Variants in ZNF326 observed in about 807,000 individuals in gnomAD.
ZNF326 encodes the protein zinc finger protein 326.
In ZNF326, 30 loss-of-function variants were observed where a neutral mutation model predicts 63.1. The observed-to-expected ratio is 0.48, with a 90% CI of 0.36 to 0.64. The LOEUF (loss-of-function observed/expected upper bound fraction) is 0.64, where lower values mean the gene tolerates loss of function less well. Among genes scored for constraint, ZNF326 ranks in the 30% least tolerant of loss-of-function variants. ZNF326 has a pLI of 0.00. For missense variants in ZNF326, 609 were observed against 720.3 expected (o/e 0.85, Z 1.77); for synonymous variants, 194 against 228.2 (o/e 0.85, Z 1.35).
chr1:90,006,521 T>G, intron 4 of ZNF326: 1 of 966,936 alleles, frequency 1.0e-6, no homozygotes, highest in Non-Finnish European at 1.2e-6. Flanking sequence ...TCTTAAAACC[T>G]CGAGGAGACT....
At position 89,995,225 on chromosome 1, in the gene ZNF326, C is replaced by G; in HGVS notation, c.-33C>G. 6.5e-7 allele frequency: 1 copy of G among 1,542,054 alleles called. No homozygotes were observed. On this transcript the variant is annotated 5_prime_UTR_variant, in exon 1 of 12. Transcript: ENST00000340281. Reference sequence around the variant, plus strand: ...CGCCGCCGGCCATAGCTCAGCCTAGCGCCGCCAAGGCCGACGGCCCTCAGC... The same window carrying G: ...CGCCGCCGGCCATAGCTCAGCCTAGGGCCGCCAAGGCCGACGGCCCTCAGC...
At position 90,034,428 on chromosome 1, in the gene ZNF326, A is replaced by G. The variant is rs551934001; in HGVS notation, c.*6727A>G. The G allele has an allele frequency of 2.6e-5, 4 of 152,332 alleles. No individual in the cohort carries two copies. The highest frequency in any genetic ancestry group is 2.6e-4 in the Admixed American group (4 of 15,308). The allele number at this position is 152,332 out of a possible 1,614,324, so 9.4% of individuals were successfully genotyped here. ...TTAGAAATTGTCAGATAAAGAGTTC[A>G]AAATAGAGGAAACATTTTGAATTAT... On this transcript the variant is annotated 3_prime_UTR_variant, in exon 12 of 12. Transcript: ENST00000340281.
chr1:90,016,048 T>G (rs1284099484), intron 7 of ZNF326, among the ~76,000 whole-genome samples: 1 of 152,160 alleles, frequency 6.6e-6, no homozygotes, highest in Non-Finnish European at 1.5e-5. Context: ...ATGGAGCTAA[T>G]GAAGCCCTTT....
chr1:90,020,462 A>G (rs1196631354), intron 9 of ZNF326, among the ~76,000 whole-genome samples: 1 of 152,032 alleles, frequency 6.6e-6, no homozygotes, highest in African/African-American at 2.4e-5. Context: ...ATTCATAATC[A>G]TGGAAATTCT....
chr1:90,024,925 CT>C (rs1243352059), intron 11 of ZNF326, among the ~76,000 whole-genome samples: 1 of 148,522 alleles, frequency 6.7e-6, no homozygotes, highest in African/African-American at 2.5e-5. Flanking sequence ...TGCCTTTCAT[CT>C]TTGTTCTAAT....
chr1:90,000,909 A>G (rs901898251), intron 2 of ZNF326, among the ~76,000 whole-genome samples: 3 of 152,198 alleles, frequency 2.0e-5, no homozygotes, highest in Non-Finnish European at 1.5e-5. Context: ...AGCAGCTGCT[A>G]AAATGGGTAT....
chr1:90,012,290 C>T (rs1482703108), intron 6 of ZNF326, among the ~76,000 whole-genome samples: 4 of 152,090 alleles, frequency 2.6e-5, no homozygotes, highest in Non-Finnish European at 4.4e-5. Flanking sequence ...GAAGTACTTA[C>T]TAATACATGG....
At chr1:90,011,142 T>C (rs1173027101) in intron 6 of ZNF326, among the ~76,000 whole-genome samples, 1 of 152,130 alleles carries the variant, frequency 6.6e-6, no homozygotes, top group African/African-American at 2.4e-5. Context: ...TATATATGTA[T>C]CCCTCCCCCA....
At chr1:90,025,320 A>G (rs895623627) in intron 11 of ZNF326, among the ~76,000 whole-genome samples, 4 of 152,138 alleles carry the variant, frequency 2.6e-5, no homozygotes, top group African/African-American at 9.7e-5. Context: ...ATTTTGAGAC[A>G]GAGTCTCACT....
At chr1:90,001,149 T>G (rs1648655536) in intron 2 of ZNF326, among the ~76,000 whole-genome samples, 1 of 152,128 alleles carries the variant, frequency 6.6e-6, no homozygotes, top group Admixed American at 6.5e-5. Context: ...CAGATGTCAG[T>G]AGCATCTGCC....
Position 90,030,505 on chromosome 1 carries a change from A to G in ZNF326, c.*2804A>G, listed in dbSNP as rs957243361. 19 of 152,108 alleles carry G rather than the reference A, an allele frequency of 1.2e-4. No individual in the cohort carries two copies. The highest frequency in any genetic ancestry group is 2.7e-4 in the African/African-American group (11 of 41,502). 9.4% of individuals were successfully genotyped at this position (152,108 alleles called of 1,614,324 possible). A position where few individuals can be genotyped will look rare whatever the true frequency, so the allele number is the denominator to read the frequency against. ...AAAGACCTTTGCATTTTCTTATTCT[A>G]TAGCCTATACCCATCAGCTTTCCTT... On this transcript the variant is annotated 3_prime_UTR_variant, in exon 12 of 12. Transcript: ENST00000340281.
intron 2 of ZNF326, among the ~76,000 whole-genome samples, chr1:90,003,787 T>C (rs1207902789): frequency 2.0e-5 from 3 of 152,212 alleles, no homozygotes; most frequent in African/African-American, 7.2e-5. Context: ...CCCAGATCTA[T>C]AAAATGAGAG....
intron 4 of ZNF326, chr1:90,005,982 G>C: frequency 4.1e-6 from 4 of 985,394 alleles, no homozygotes; most frequent in Non-Finnish European, 4.8e-6. Context: ...AGGAGAAGGG[G>C]TGTCTACTTT....
chr1:90,004,604 A>G (rs1648864827), intron 2 of ZNF326, among the ~76,000 whole-genome samples: 1 of 152,182 alleles, frequency 6.6e-6, no homozygotes, highest in African/African-American at 2.4e-5. Context: ...TAATCCCAGC[A>G]CTTTGGGAGG....
In ZNF326 at chr1:90,024,000, T is replaced by C. The variant is rs61771690; in HGVS notation, c.1401+1655T>C. Among the ~76,000 whole-genome samples the C allele has an allele frequency of 9.0e-3, 1,376 of 152,316 alleles. 8 individuals carry two copies. Among genetic ancestry groups the C allele is most frequent in the Non-Finnish European group, 0.015 (1,028 of 68,026 alleles). Reference sequence around the variant, plus strand: ...AATCTTCATTTTAACAAGATTCCTGTTGATTTGTATGCATGTGAAAATTCA... The same window carrying C: ...AATCTTCATTTTAACAAGATTCCTGCTGATTTGTATGCATGTGAAAATTCA... On this transcript the variant is annotated intron_variant, in intron 11 of 11. Coordinates refer to ENST00000340281, the MANE Select transcript of ZNF326 (RefSeq NM_182976.4).
rs1159698484 is a variant in ZNF326, at chr1:90,035,338, C to T, written c.*7637C>T. 2.6e-5 allele frequency: 4 copies of T among 152,112 alleles called. No individual in the cohort carries two copies. The highest frequency in any genetic ancestry group is 9.7e-5 in the African/African-American group (4 of 41,422). The allele number at this position is 152,112 out of a possible 1,614,324, so 9.4% of individuals were successfully genotyped here. ...AAAGGTAGTTTTGTTTAATAGTTCA[C>T]CATGAAAATCTGTACTATATAGAAA... On this transcript the variant is annotated 3_prime_UTR_variant, in exon 12 of 12. Coordinates refer to ENST00000340281, the MANE Select transcript of ZNF326 (RefSeq NM_182976.4).
chr1:89,997,298 C>A (rs572451018), intron 1 of ZNF326, among the ~76,000 whole-genome samples: 31 of 152,228 alleles, frequency 2.0e-4, no homozygotes, highest in African/African-American at 6.7e-4. Flanking sequence ...ATATGGTTTT[C>A]AGTGATGACA....
At position 90,017,491 on chromosome 1, in the gene ZNF326, G is replaced by A. The variant is rs536418976; in HGVS notation, c.1074+27G>A. The A allele has an allele frequency of 7.1e-6, 11 of 1,546,942 alleles. No individual in the cohort carries two copies. In the South Asian group the frequency reaches 7.7e-5, roughly 11 times the overall value. On this transcript the variant is annotated intron_variant, in intron 8 of 11. Coordinates refer to ENST00000340281, the MANE Select transcript of ZNF326 (RefSeq NM_182976.4). ...TGAGTAGCTGTTTTTGAAGTGAGAA[G>A]CATTTTATTGATATGAATTTCTTAT...
At chr1:90,013,044 G>A (rs1251860923) in intron 6 of ZNF326, 82 bp from the exon 7 acceptor site, 2 of 1,204,844 alleles carry the variant, frequency 1.7e-6, no homozygotes, top group South Asian at 1.6e-5. Flanking sequence ...TACCTCATAA[G>A]TATGTACTTT....
Sources: allele counts gnomAD v4.1 joint callset (sites outside exome capture counted in the v4.1 genomes callset), GRCh38; gene constraint gnomAD v4.1.1; transcripts MANE v1.5; gene names NCBI Gene and HGNC (gene_info 2026-07-23, HGNC 2026-07-21).